Variants in PCLO observed in about 807,000 individuals in gnomAD.
PCLO encodes the protein protein piccolo.
PCLO carries 82 observed loss-of-function variants against 427.5 expected under a neutral mutation model. The observed-to-expected ratio is 0.19, with a 90% confidence interval of 0.16 to 0.23. The LOEUF is 0.23. Among genes scored for constraint, PCLO ranks in the 10% least tolerant of loss-of-function variants. The probability of loss-of-function intolerance (pLI) is 1.00; values close to 1 mark genes in which losing one functional copy is unlikely to be tolerated. For missense variants in PCLO, 6,239 were observed against 6,115.9 expected (o/e 1.02, Z -0.67); for synonymous variants, 2,357 against 2,155.4 (o/e 1.09, Z -2.59).
intron 3 of PCLO, among the ~76,000 whole-genome samples, chr7:83,041,353 C>A (rs1269454100): frequency 6.6e-6 from 1 of 152,068 alleles, no homozygotes; most frequent in African/African-American, 2.4e-5. Flanking sequence ...TGTCAATATT[C>A]CAGAGGCTGT....
chr7:82,955,704 C>T lies in PCLO; in HGVS notation c.5249G>A (p.Gly1750Glu). ...DSDSSPSHKK[G>E]ESKQQRKARH... ...AGCTTTGCGTTGCTGTTTGCTCTCT[C>T]CTTTTTTGTGACTCGGGCTACTGTC... The change falls in exon 5 of 25, where the codon GGA (glycine) becomes GAA (glutamate). Residue 1750 changes from glycine to glutamate, a missense_variant. Transcript: ENST00000333891. 2.5e-6 allele frequency: 4 copies of T among 1,613,942 alleles called. No homozygotes were observed. Among genetic ancestry groups the T allele is most frequent in the Non-Finnish European group, 3.4e-6 (4 of 1,179,868 alleles).
intron 7 of PCLO, 186 bp downstream of exon 7, chr7:82,914,500 A>C: frequency 1.5e-6 from 1 of 667,240 alleles, no homozygotes; most frequent in Non-Finnish European, 2.6e-6. Flanking sequence ...AACTAAATAA[A>C]GAAAAGCATG....
chr7:83,092,281 A>G (rs1790396714), intron 3 of PCLO, among the ~76,000 whole-genome samples: 2 of 152,200 alleles, frequency 1.3e-5, no homozygotes, highest in African/African-American at 4.8e-5. Flanking sequence ...CAGTCCTGAA[A>G]GATTCTCTAC....
intron 6 of PCLO, among the ~76,000 whole-genome samples, chr7:82,949,260 C>T (rs941575713): frequency 2.6e-5 from 4 of 151,426 alleles, no homozygotes; most frequent in Non-Finnish European, 5.9e-5. Context: ...GTTTCCTACA[C>T]ACACACACAC....
At position 82,955,957 on chromosome 7, in the gene PCLO, G is replaced by A. The variant is rs1161523710; in HGVS notation, c.4996C>T (p.Arg1666Ter). 1 of 1,613,488 alleles carries A rather than the reference G, an allele frequency of 6.2e-7. No individual in the cohort carries two copies. Among genetic ancestry groups the A allele is most frequent in the Non-Finnish European group, 8.5e-7 (1 of 1,179,822 alleles). Residue 1666 changes from arginine (R) to a stop codon, truncating the protein, a stop_gained, in exon 5 of 25, where the codon CGA becomes TGA. Transcript: ENST00000333891. LOFTEE classifies it high-confidence loss of function. Reference protein sequence around the residue: ...LVVTGGGGLRRFKTIELNSTI... With the variant: ...LVVTGGGGLR ...CTGTTGAGCTCAATTGTTTTAAATC[G>A]GCGTAGCCCTCCTCCTCCAGTAACT... is the stretch of plus-strand genomic sequence containing the variant.
At chr7:83,095,702 T>C (rs1790516945) in intron 3 of PCLO, among the ~76,000 whole-genome samples, 1 of 152,062 alleles carries the variant, frequency 6.6e-6, no homozygotes, top group Admixed American at 6.6e-5. Flanking sequence ...TTTGGAAGTA[T>C]GCAGTTTAAT....
chr7:83,042,835 C>T (rs1274000185), intron 3 of PCLO, among the ~76,000 whole-genome samples: 1 of 152,148 alleles, frequency 6.6e-6, no homozygotes, highest in Non-Finnish European at 1.5e-5. Context: ...GCCCTCTAGG[C>T]TGGGCAAGAG....
At chr7:82,781,905 G>C (rs1790880930) in intron 22 of PCLO, among the ~76,000 whole-genome samples, 1 of 152,190 alleles carries the variant, frequency 6.6e-6, no homozygotes, top group South Asian at 2.1e-4. Flanking sequence ...TGCCCAGGGT[G>C]GGCATGGAAG....
intron 3 of PCLO, among the ~76,000 whole-genome samples, chr7:83,007,216 C>G (rs1787967984): frequency 1.3e-5 from 2 of 151,378 alleles, no homozygotes; most frequent in African/African-American, 4.8e-5. Flanking sequence ...GGCATATGAG[C>G]AAACAATTCC....
chr7:82,835,584 G>T, intron 16 of PCLO, 83 bp downstream of exon 16: 3 of 963,318 alleles, frequency 3.1e-6, no homozygotes, highest in Non-Finnish European at 4.9e-6. Flanking sequence ...ATGTTGAAGT[G>T]CCAGTGAATG....
rs999959556 is a variant in PCLO, at chr7:83,042,516, A to T, written c.3301-76029T>A. On this transcript the variant is annotated intron_variant, in intron 3 of 24. Transcript: ENST00000333891. ...GACAGATGATCTAGTCAAATTCTTAACTTCATAAACAAGGAAATTAGATGA... is the reference window on the plus strand; with the variant it reads ...GACAGATGATCTAGTCAAATTCTTATCTTCATAAACAAGGAAATTAGATGA... Among the ~76,000 whole-genome samples the T allele has an allele frequency of 5.9e-5, 9 of 152,282 alleles. No individual in the cohort carries two copies. The East Asian group carries it at 1.2e-3, about 20-fold the overall frequency.
chr7:83,042,777 G>A (rs1396345915), intron 3 of PCLO, among the ~76,000 whole-genome samples: 1 of 152,124 alleles, frequency 6.6e-6, no homozygotes, highest in Non-Finnish European at 1.5e-5. Flanking sequence ...CAGGAGAATT[G>A]CTTGAACCCG....
At chr7:82,803,226 T>C (rs7782310) in intron 21 of PCLO, among the ~76,000 whole-genome samples, 56,398 of 151,988 alleles carry the variant, frequency 0.37, 12,909 homozygotes, top group East Asian at 0.7. Flanking sequence ...ATCAGTACGC[T>C]ACACTGGTAG....
chr7:83,041,128 C>T (rs1788963304), intron 3 of PCLO, among the ~76,000 whole-genome samples: 1 of 151,734 alleles, frequency 6.6e-6, no homozygotes, highest in African/African-American at 2.4e-5. Flanking sequence ...AAACATAATG[C>T]TGATGATATT....
At chr7:83,007,621 A>G (rs753414030) in intron 3 of PCLO, among the ~76,000 whole-genome samples, 31 of 151,612 alleles carry the variant, frequency 2.0e-4, no homozygotes, top group Non-Finnish European at 3.8e-4. Flanking sequence ...AAAAATAGGT[A>G]AGAAAATATA....
chr7:82,967,322 G>A (rs146186524), intron 3 of PCLO, among the ~76,000 whole-genome samples: 31 of 150,574 alleles, frequency 2.1e-4, no homozygotes, highest in African/African-American at 3.9e-4. Flanking sequence ...ATTCAGGCAC[G>A]CGCCACCCAT....
At chr7:82,848,311 T>TTTTTG (rs1562816354) in intron 10 of PCLO, among the ~76,000 whole-genome samples, 1 of 142,054 alleles carries the variant, frequency 7.0e-6, no homozygotes, top group Non-Finnish European at 1.5e-5. Context: ...TTAGTTTTTT[T>TTTTTG]TTTTTTTTTT....
At position 82,951,989 on chromosome 7, in the gene PCLO, C is replaced by A. The variant is rs752473974; in HGVS notation, c.8964G>T (p.Gly2988=). 5 of 1,613,888 alleles carry A rather than the reference C, an allele frequency of 3.1e-6. No homozygotes were observed. In the African/African-American group the frequency reaches 4.0e-5, roughly 13 times the overall value. The change falls in exon 5 of 25, where the codon GGG becomes GGT. Residue 2988 remains glycine, a synonymous_variant. Coordinates refer to ENST00000333891, the MANE Select transcript of PCLO (RefSeq NM_033026.6). ...RSGPYGYRGI[G]GMKPSMSDTN... ...TGTCAGACATGGAAGGCTTCATTCC[C>A]CCAATCCCTCTATAACCATATGGCC...
At chr7:83,030,664 A>G (rs1242682705) in intron 3 of PCLO, among the ~76,000 whole-genome samples, 1 of 152,190 alleles carries the variant, frequency 6.6e-6, no homozygotes, top group Non-Finnish European at 1.5e-5. Flanking sequence ...ATATTGTTTT[A>G]AATCAAAATT....
Sources: gnomAD v4.1 joint callset for allele counts (sites outside exome capture counted in the v4.1 genomes callset) on GRCh38, gnomAD v4.1.1 for gene constraint, MANE v1.5 for transcripts, NCBI Gene and HGNC (gene_info 2026-07-23, HGNC 2026-07-21) for gene names.